CSMD1: variants seen among roughly 807,000 people sequenced by gnomAD.
CSMD1 encodes the protein CUB and sushi domain-containing protein 1.
Under a neutral mutation model 417.5 loss-of-function variants are expected in CSMD1, and 213 were observed. The ratio of observed to expected loss-of-function variants is 0.51; its 90% CI spans 0.46 to 0.57. The LOEUF (loss-of-function observed/expected upper bound fraction) is 0.57. CSMD1 is among the 20% of genes least tolerant of loss of function. The probability of loss-of-function intolerance (pLI) is 0.00; values close to 1 mark genes in which losing one functional copy is unlikely to be tolerated. For synonymous variants in CSMD1, 2,862 were observed against 1,736.8 expected, an observed-to-expected ratio of 1.65 and a Z score of -16.11; for missense variants, 6,923 against 4,529.7, an observed-to-expected ratio of 1.53 and a Z score of -15.17.
At chr8:4,092,045 G>A (rs563566426) in intron 3 of CSMD1, among the ~76,000 whole-genome samples, 29 of 152,208 alleles carry the variant, frequency 1.9e-4, no homozygotes, top group African/African-American at 6.5e-4. Flanking sequence ...AGGGAAGGGG[G>A]CAATTTTATT....
intron 3 of CSMD1, among the ~76,000 whole-genome samples, chr8:4,144,767 G>C (rs773080553): frequency 6.6e-6 from 1 of 151,016 alleles, no homozygotes; most frequent in African/African-American, 2.5e-5. Context: ...TAGGAGAACA[G>C]GAATGATGGA....
chr8:3,092,860 C>T (rs1815040065), intron 47 of CSMD1, among the ~76,000 whole-genome samples: 1 of 152,138 alleles, frequency 6.6e-6, no homozygotes, highest in Non-Finnish European at 1.5e-5. Flanking sequence ...TTTCACAGTT[C>T]ACTCCTAGGG....
intron 26 of CSMD1, among the ~76,000 whole-genome samples, chr8:3,246,985 G>T (rs1402696567): frequency 6.6e-6 from 1 of 152,114 alleles, no homozygotes; most frequent in Non-Finnish European, 1.5e-5. Context: ...ATTATGTTAA[G>T]GCAAGAGTTA....
intron 2 of CSMD1, among the ~76,000 whole-genome samples, chr8:4,549,681 G>C (rs938802646): frequency 2.6e-5 from 4 of 151,962 alleles, no homozygotes; most frequent in Non-Finnish European, 4.4e-5. Context: ...TTGAGTTCAG[G>C]AGTTCAAGAC....
intron 3 of CSMD1, among the ~76,000 whole-genome samples, chr8:4,208,163 G>T (rs1450981285): frequency 1.3e-5 from 2 of 152,114 alleles, no homozygotes; most frequent in African/African-American, 2.4e-5. Context: ...TATTGTGGAG[G>T]CTAAGGTGTT....
intron 7 of CSMD1, among the ~76,000 whole-genome samples, chr8:3,685,653 G>C (rs970254427): frequency 2.4e-4 from 37 of 152,276 alleles, no homozygotes; most frequent in Admixed American, 2.2e-3. Flanking sequence ...TAGAGGCCTG[G>C]GGGTGCTTTT....
At chr8:3,451,946 G>T (rs1341216501) in intron 12 of CSMD1, among the ~76,000 whole-genome samples, 4 of 152,124 alleles carry the variant, frequency 2.6e-5, no homozygotes. Context: ...TCCTACCCAT[G>T]AACATGGAAT....
chr8:4,592,549 G>A (rs1362843464), intron 2 of CSMD1, among the ~76,000 whole-genome samples: 1 of 151,870 alleles, frequency 6.6e-6, no homozygotes, highest in Admixed American at 6.6e-5. Context: ...ACCACGCCCA[G>A]CTAATTTTTG....
intron 1 of CSMD1, among the ~76,000 whole-genome samples, chr8:4,649,954 C>T (rs1056254636): frequency 4.6e-5 from 7 of 152,188 alleles, no homozygotes; most frequent in East Asian, 1.9e-4. Context: ...CACAGAGTGT[C>T]GTTCACACAG....
intron 49 of CSMD1, among the ~76,000 whole-genome samples, chr8:3,065,592 C>A (rs146756859): frequency 2.3e-3 from 349 of 150,978 alleles, no homozygotes; most frequent in African/African-American, 8.2e-3. Flanking sequence ...ATACACAGAT[C>A]GATAGGAAGA....
chr8:3,712,236 G>A (rs1801554734), intron 6 of CSMD1, among the ~76,000 whole-genome samples: 1 of 152,080 alleles, frequency 6.6e-6, no homozygotes, highest in Admixed American at 6.5e-5. Flanking sequence ...GTGGGTCCAG[G>A]GTCCACCCGG....
intron 8 of CSMD1, among the ~76,000 whole-genome samples, chr8:3,606,555 A>G (rs1436427774): frequency 1.3e-5 from 2 of 152,166 alleles, no homozygotes; most frequent in African/African-American, 4.8e-5. Flanking sequence ...TGTGTGAGTC[A>G]GTAAGTGGTG....
At chr8:3,976,036 T>C (rs190745687) in intron 5 of CSMD1, among the ~76,000 whole-genome samples, 5 of 152,262 alleles carry the variant, frequency 3.3e-5, no homozygotes, top group African/African-American at 1.2e-4. Flanking sequence ...ATATTCAATA[T>C]ATACTGATTG....
Position 3,230,278 on chromosome 8 carries a change from T to G in CSMD1, c.4154-47A>C, listed in dbSNP as rs1227363639. ...AGGTCACAGGCTGGAAAACATGGTT[T>G]CCACATTCTTGTCGGTGTGGTTGTT... On this transcript the variant is annotated intron_variant, in intron 26 of 69. Coordinates refer to ENST00000635120, the MANE Select transcript of CSMD1 (RefSeq NM_033225.6). 3 of 1,459,880 alleles carry G rather than the reference T, an allele frequency of 2.1e-6. No homozygotes were observed. The South Asian group carries it at 4.2e-5, about 21-fold the overall frequency. 90.4% of individuals were successfully genotyped at this position (1,459,880 alleles called of 1,614,324 possible).
chr8:3,179,153 G>T (rs947023221), intron 37 of CSMD1, among the ~76,000 whole-genome samples: 3 of 151,330 alleles, frequency 2.0e-5, no homozygotes, highest in East Asian at 2.0e-4. Flanking sequence ...CAACGTGTTA[G>T]CCAGGACTGT....
At chr8:4,798,359 G>A (rs968379318) in intron 1 of CSMD1, among the ~76,000 whole-genome samples, 3 of 152,200 alleles carry the variant, frequency 2.0e-5, no homozygotes, top group East Asian at 1.9e-4. Flanking sequence ...TTTTATGGCT[G>A]CATAGTATTC....
intron 3 of CSMD1, among the ~76,000 whole-genome samples, chr8:4,366,360 T>A (rs1294820624): frequency 6.6e-6 from 1 of 152,206 alleles, no homozygotes; most frequent in Non-Finnish European, 1.5e-5. Flanking sequence ...TTCCACGTGT[T>A]TACCATTGAG....
intron 3 of CSMD1, among the ~76,000 whole-genome samples, chr8:4,127,476 AAAAG>A (rs1391752249): frequency 3.0e-4 from 34 of 115,162 alleles, no homozygotes; most frequent in African/African-American, 4.6e-4. Flanking sequence ...AAAAAAAAAA[AAAAG>A]AAAATCATAA....
intron 5 of CSMD1, among the ~76,000 whole-genome samples, chr8:3,912,765 C>G (rs139450095): frequency 6.6e-6 from 1 of 152,258 alleles, no homozygotes; most frequent in African/African-American, 2.4e-5. Context: ...GCTCTTGTAG[C>G]TCAAGGTCAC....
Sources: allele counts gnomAD v4.1 joint callset (sites outside exome capture counted in the v4.1 genomes callset), GRCh38; gene constraint gnomAD v4.1.1; transcripts MANE v1.5; gene names NCBI Gene and HGNC (gene_info 2026-07-23, HGNC 2026-07-21).